Variants in ZMYM4 observed in about 807,000 individuals in gnomAD.
ZMYM4 encodes the protein zinc finger MYM-type containing 4.
ZMYM4 carries 31 observed loss-of-function variants against 183.2 expected under a neutral mutation model. That is an observed-to-expected ratio of 0.17 (90% CI 0.13 to 0.23). The LOEUF (loss-of-function observed/expected upper bound fraction) is 0.23. Among genes scored for constraint, ZMYM4 ranks in the 10% least tolerant of loss-of-function variants. The probability of loss-of-function intolerance (pLI) is 1.00; values close to 1 mark genes in which losing one functional copy is unlikely to be tolerated. For synonymous variants in ZMYM4, 592 were observed against 631.2 expected (o/e 0.94, Z 0.93); for missense variants, 1,273 against 1,840.3 (o/e 0.69, Z 5.64).
chr1:35,313,608 C>T (rs892372817), intron 1 of ZMYM4, among the ~76,000 whole-genome samples: 3 of 151,138 alleles, frequency 2.0e-5, no homozygotes, highest in Non-Finnish European at 4.4e-5. Flanking sequence ...AGGTTGGTCT[C>T]GAACTCCTGA....
At chr1:35,366,458 A>G (rs971718414) in intron 5 of ZMYM4, among the ~76,000 whole-genome samples, 3 of 152,224 alleles carry the variant, frequency 2.0e-5, no homozygotes, top group African/African-American at 7.2e-5. Flanking sequence ...AGAAAAAATA[A>G]TGGAAAAAGG....
At chr1:35,369,736 A>G (rs934772937) in intron 5 of ZMYM4, among the ~76,000 whole-genome samples, 1 of 151,896 alleles carries the variant, frequency 6.6e-6, no homozygotes, top group Non-Finnish European at 1.5e-5. Context: ...ATAAACAGTA[A>G]CTTATAATAC....
intron 5 of ZMYM4, among the ~76,000 whole-genome samples, chr1:35,365,039 T>G (rs1265462881): frequency 1.3e-5 from 2 of 152,174 alleles, no homozygotes; most frequent in East Asian, 3.8e-4. Context: ...TGCATGTTTC[T>G]ATAATGTTTT....
In ZMYM4 at chr1:35,308,919, A is replaced by G. The variant is rs905500308; in HGVS notation, c.40-16441A>G. The G allele has an allele frequency of 4.1e-6, 4 of 977,478 alleles. No individual in the cohort carries two copies. In the African/African-American group the frequency reaches 7.0e-5, roughly 17 times the overall value. 60.6% of individuals were successfully genotyped at this position (977,478 alleles called of 1,614,324 possible). A position where few individuals can be genotyped will look rare whatever the true frequency, so the allele number is the denominator to read the frequency against. ...TTTTTTGCTTTTGGAAGATTCATGC[A>G]AAACAATAATACCAAATAATTGACA... On this transcript the variant is annotated intron_variant, in intron 1 of 29. Coordinates refer to ENST00000314607, the MANE Select transcript of ZMYM4 (RefSeq NM_005095.3).
chr1:35,278,122 G>A (rs1031451790), intron 1 of ZMYM4, among the ~76,000 whole-genome samples: 3 of 151,874 alleles, frequency 2.0e-5, no homozygotes, highest in African/African-American at 2.4e-5. Flanking sequence ...GACTTGTGGC[G>A]GCAAAACTCC....
At chr1:35,386,245 T>C (rs1644573724) in intron 11 of ZMYM4, 56 bp downstream of exon 11, 1 of 1,294,154 alleles carries the variant, frequency 7.7e-7, no homozygotes, top group African/African-American at 1.5e-5. Context: ...ACTGTATGAG[T>C]CTGTTCTTGC....
intron 5 of ZMYM4, among the ~76,000 whole-genome samples, chr1:35,363,187 A>C (rs371474864): frequency 9.9e-5 from 15 of 152,130 alleles, no homozygotes; most frequent in African/African-American, 3.4e-4. Context: ...AGTAAGTTGC[A>C]CAAGCTTGTC....
At chr1:35,408,581 T>C (rs564154259) in intron 26 of ZMYM4, among the ~76,000 whole-genome samples, 1 of 151,620 alleles carries the variant, frequency 6.6e-6, no homozygotes, top group African/African-American at 2.4e-5. Flanking sequence ...CTACAAAAAA[T>C]AAAAAATTAG....
intron 1 of ZMYM4, among the ~76,000 whole-genome samples, chr1:35,297,877 A>G (rs1431158235): frequency 6.6e-6 from 1 of 152,226 alleles, no homozygotes; most frequent in African/African-American, 2.4e-5. Context: ...GACCACTGCC[A>G]CTACCAGTCC....
Position 35,418,569 on chromosome 1 carries a change from A to C in ZMYM4, c.4436A>C (p.Lys1479Thr). 6.2e-7 allele frequency: 1 copy of C among 1,613,964 alleles called. No individual in the cohort carries two copies. The highest frequency in any genetic ancestry group is 8.5e-7 in the Non-Finnish European group (1 of 1,179,960). Residue 1479 changes from lysine to threonine, a missense_variant, in exon 29 of 30, where the codon AAA (lysine) becomes ACA (threonine). Around this residue, in one of 6 missense-constraint regions of ZMYM4, gnomAD observed 145 missense variants for 331.6 expected, o/e 0.44. Coordinates refer to ENST00000314607, the MANE Select transcript of ZMYM4 (RefSeq NM_005095.3). The part of the protein sequence containing the change: ...PVRLYEFYLS[K>T]CSESVKQRND... The stretch of plus-strand genomic sequence containing the variant: ...CGACTTTATGAGTTTTACCTGTCAA[A>C]ATGGTAATCTTTCTCTGAACTGAAT...
chr1:35,389,101 C>A lies in ZMYM4; in HGVS notation c.2436+19C>A. On this transcript the variant is annotated intron_variant, in intron 14 of 29. Coordinates refer to ENST00000314607, the MANE Select transcript of ZMYM4 (RefSeq NM_005095.3). The surrounding 1 kb of genome is among the most constrained non-coding windows in gnomAD (Gnocchi z 4.0). ...CTATCAGGTAAATAGAATTCACATT[C>A]CTGGGTTTTTCATTCTAGGGCATAA... is the stretch of plus-strand genomic sequence containing the variant. 2 of 1,590,738 alleles carry A rather than the reference C, an allele frequency of 1.3e-6. No homozygotes were observed. The highest frequency in any genetic ancestry group is 1.1e-5 in the South Asian group (1 of 87,598).
intron 1 of ZMYM4, among the ~76,000 whole-genome samples, chr1:35,295,043 T>C (rs949456102): frequency 2.0e-5 from 3 of 152,216 alleles, no homozygotes; most frequent in African/African-American, 7.2e-5. Context: ...GGAACCATTG[T>C]AGGTACGGAG....
intron 1 of ZMYM4, among the ~76,000 whole-genome samples, chr1:35,311,249 G>A (rs977385400): frequency 7.9e-5 from 12 of 151,786 alleles, no homozygotes; most frequent in Admixed American, 2.6e-4. Flanking sequence ...GTGAAACCCC[G>A]TCTCTACTAA....
At chr1:35,377,050 G>A (rs1241417814) in intron 7 of ZMYM4, among the ~76,000 whole-genome samples, 1 of 151,998 alleles carries the variant, frequency 6.6e-6, no homozygotes, top group Admixed American at 6.6e-5. Context: ...GGGACTACAG[G>A]CGCATGCCAC....
chr1:35,401,942 T>C (rs1231391357), intron 23 of ZMYM4, among the ~76,000 whole-genome samples: 2 of 152,174 alleles, frequency 1.3e-5, no homozygotes, highest in Non-Finnish European at 2.9e-5. Flanking sequence ...TCTGAAACTT[T>C]CTATTCTGTT....
chr1:35,275,473 C>T (rs972353320), intron 1 of ZMYM4, among the ~76,000 whole-genome samples: 13 of 152,062 alleles, frequency 8.5e-5, no homozygotes, highest in African/African-American at 2.2e-4. Context: ...ATGATCTGCC[C>T]GCCTCAGCCT....
At chr1:35,331,835 T>TAAATAAATAAAA (rs1553168587) in intron 2 of ZMYM4, among the ~76,000 whole-genome samples, 17 of 150,576 alleles carry the variant, frequency 1.1e-4, no homozygotes, top group Admixed American at 1.3e-4. Context: ...AATAAATAAA[T>TAAATAAATAAAA]AAAATTGTGG....
intron 25 of ZMYM4, among the ~76,000 whole-genome samples, chr1:35,406,493 C>A (rs547996164): frequency 6.6e-6 from 1 of 152,056 alleles, no homozygotes; most frequent in Non-Finnish European, 1.5e-5. Flanking sequence ...TGCACTCCAG[C>A]CTGAGCATCA....
chr1:35,390,188 TC>T (rs1482593378), intron 15 of ZMYM4, 90 bp downstream of exon 15: 1 of 1,326,262 alleles, frequency 7.5e-7, no homozygotes, highest in Non-Finnish European at 1.0e-6. Flanking sequence ...TAAACAGTTG[TC>T]ATTAATTTCA....
Sources: gnomAD v4.1 joint callset for allele counts (sites outside exome capture counted in the v4.1 genomes callset) on GRCh38, gnomAD v4.1.1 for gene constraint, gnomAD v4.1.1 regional missense constraint, Gnocchi (gnomAD v3.1) non-coding constraint, MANE v1.5 for transcripts, NCBI Gene and HGNC (gene_info 2026-07-23, HGNC 2026-07-21) for gene names.